Variants in PPP4R4 observed in about 807,000 individuals in gnomAD.
PPP4R4 encodes the protein serine/threonine-protein phosphatase 4 regulatory subunit 4.
Under a neutral mutation model 121.8 loss-of-function variants are expected in PPP4R4, and 70 were observed. The ratio of observed to expected loss-of-function variants is 0.57; its 90% CI spans 0.47 to 0.70. The LOEUF is 0.70. Among genes scored for constraint, PPP4R4 ranks in the 30% least tolerant of loss-of-function variants. PPP4R4 has a pLI of 0.00. For synonymous variants in PPP4R4, 348 were observed against 355.7 expected (o/e 0.98, Z 0.24); for missense variants, 875 against 1,033.6 (o/e 0.85, Z 2.10).
chr14:94,276,772 G>T lies in PPP4R4; in HGVS notation c.2597+1251G>T, dbSNP rs540061937. 2.0e-3 allele frequency among the ~76,000 whole-genome samples: 304 copies of T among 151,778 alleles called. 1 individual carries two copies. The highest frequency in any genetic ancestry group is 7.0e-3 in the African/African-American group (289 of 41,346). On this transcript the variant is annotated intron_variant, in intron 24 of 24. Transcript: ENST00000304338. ...TATTCCAAATTGTAATTGGTCGTTGGGTATATGCCCAACTTCATTCAAAAT... is the reference window on the plus strand; with the variant it reads ...TATTCCAAATTGTAATTGGTCGTTGTGTATATGCCCAACTTCATTCAAAAT...
intron 14 of PPP4R4, 51 bp from the exon 15 acceptor site, chr14:94,250,121 C>T (rs1413627935): frequency 3.2e-6 from 4 of 1,245,060 alleles, no homozygotes; most frequent in Admixed American, 3.4e-5. Context: ...GTCAAATTAT[C>T]TAGACTAGAA....
intron 3 of PPP4R4, chr14:94,227,150 C>T: frequency 1.5e-6 from 1 of 683,016 alleles, no homozygotes; most frequent in East Asian, 2.9e-5. Flanking sequence ...GTGCCATTAA[C>T]TCTTAATGTC....
chr14:94,256,704 T>C, intron 17 of PPP4R4, 100 bp downstream of exon 17: 3 of 1,172,972 alleles, frequency 2.6e-6, no homozygotes, highest in Non-Finnish European at 3.5e-6. Flanking sequence ...TATATTACAA[T>C]ATTTTTATCC....
intron 1 of PPP4R4, chr14:94,175,825 A>G (rs762886283): frequency 5.4e-5 from 30 of 553,950 alleles, no homozygotes; most frequent in Non-Finnish European, 7.8e-5. Flanking sequence ...AGCTAGAAGG[A>G]TAAAAACAGA....
At chr14:94,231,386 CA>C in intron 5 of PPP4R4, 71 bp downstream of exon 5, 2 of 1,311,960 alleles carry the variant, frequency 1.5e-6, no homozygotes, top group Admixed American at 2.2e-5. Flanking sequence ...GGTTTCTTGT[CA>C]AAAATGGTTT....
chr14:94,258,829 G>A lies in PPP4R4; in HGVS notation c.2052+5G>A, dbSNP rs748372908. The A allele has an allele frequency of 1.3e-6, 2 of 1,584,638 alleles. No homozygotes were observed. The highest frequency in any genetic ancestry group is 1.7e-5 in the Admixed American group (1 of 59,938). On this transcript the variant is annotated splice_donor_5th_base_variant and intron_variant, in intron 18 of 24. Transcript: ENST00000304338. ...ATGGAAATGTCTATGGATGCTGTAA[G>A]TATACTCTCTTTACCTTATTGTGTT...
At chr14:94,200,663 G>A (rs773937021) in intron 2 of PPP4R4, among the ~76,000 whole-genome samples, 1 of 152,020 alleles carries the variant, frequency 6.6e-6, no homozygotes, top group Non-Finnish European at 1.5e-5. Flanking sequence ...TTGTATTTCT[G>A]TGGTATTGGT....
chr14:94,223,068 T>A (rs939281326), intron 3 of PPP4R4, among the ~76,000 whole-genome samples: 1 of 152,216 alleles, frequency 6.6e-6, no homozygotes, highest in Middle Eastern at 3.2e-3. Context: ...TTTAGCTTTT[T>A]AAAATCTGCC....
At chr14:94,265,611 G>A (rs1894005962) in intron 21 of PPP4R4, 138 bp downstream of exon 21, 3 of 863,238 alleles carry the variant, frequency 3.5e-6, no homozygotes, top group South Asian at 3.5e-5. Flanking sequence ...TCTATCATTA[G>A]GTGTTTTGGT....
chr14:94,279,097 C>T lies in PPP4R4; in HGVS notation c.*454C>T, dbSNP rs1894798231. The T allele has an allele frequency of 6.6e-6, 1 of 152,350 alleles. No homozygotes were observed. Among genetic ancestry groups the T allele is most frequent in the African/African-American group, 2.4e-5 (1 of 41,434 alleles). The allele number at this position is 152,350 out of a possible 1,614,324, so 9.4% of individuals were successfully genotyped here. A position where few individuals can be genotyped will look rare whatever the true frequency, so the allele number is the denominator to read the frequency against. On this transcript the variant is annotated 3_prime_UTR_variant, in exon 25 of 25. Coordinates refer to ENST00000304338, the MANE Select transcript of PPP4R4 (RefSeq NM_058237.2). The stretch of plus-strand genomic sequence containing the variant: ...GACTTGGAAGGTGAGAAAGATACTG[C>T]ATTTTCTCATGAGTCTCCAAGCCCA...
At chr14:94,254,647 A>G (rs775963934) in intron 16 of PPP4R4, among the ~76,000 whole-genome samples, 1 of 152,208 alleles carries the variant, frequency 6.6e-6, no homozygotes, top group Non-Finnish European at 1.5e-5. Flanking sequence ...AGGTGTCTCA[A>G]GGTTGCAATA....
intron 24 of PPP4R4, among the ~76,000 whole-genome samples, chr14:94,277,335 G>GGTAATGGT (rs1356454003): frequency 6.6e-6 from 1 of 152,112 alleles, no homozygotes; most frequent in Non-Finnish European, 1.5e-5. Flanking sequence ...GGCAGGACAT[G>GGTAATGGT]GTAATGGTGT....
intron 2 of PPP4R4, among the ~76,000 whole-genome samples, chr14:94,182,598 C>T (rs905847026): frequency 3.9e-5 from 6 of 152,182 alleles, no homozygotes; most frequent in African/African-American, 1.4e-4. Flanking sequence ...TTGCATGGAG[C>T]AACAGATTGT....
At chr14:94,239,132 C>T (rs1892492321) in intron 8 of PPP4R4, among the ~76,000 whole-genome samples, 1 of 151,858 alleles carries the variant, frequency 6.6e-6, no homozygotes, top group Non-Finnish European at 1.5e-5. Flanking sequence ...AGTCTTCTCT[C>T]ATACTTTTTC....
intron 2 of PPP4R4, among the ~76,000 whole-genome samples, chr14:94,179,679 G>A (rs531172469): frequency 6.6e-6 from 1 of 152,248 alleles, no homozygotes; most frequent in African/African-American, 2.4e-5. Context: ...TTCTCTAACT[G>A]CTTAAACCAC....
chr14:94,189,800 A>C (rs1396931322), intron 2 of PPP4R4, among the ~76,000 whole-genome samples: 1 of 152,164 alleles, frequency 6.6e-6, no homozygotes, highest in Non-Finnish European at 1.5e-5. Context: ...GAAACCTGGG[A>C]GTAATTTTAT....
intron 2 of PPP4R4, among the ~76,000 whole-genome samples, chr14:94,191,913 C>T (rs1342843099): frequency 6.6e-6 from 1 of 152,088 alleles, no homozygotes; most frequent in Non-Finnish European, 1.5e-5. Context: ...TGGCTATAGG[C>T]TATGGACTGA....
chr14:94,197,629 T>C lies in PPP4R4; in HGVS notation c.192-10835T>C, dbSNP rs147987278. On this transcript the variant is annotated intron_variant, in intron 2 of 24. Transcript: ENST00000304338. ...GGAATTTGATGACTTTTCACATATG[T>C]GTATTCCCATGAAACCCTCACCATG... Among the ~76,000 whole-genome samples the C allele has an allele frequency of 7.4e-3, 1,129 of 152,302 alleles. 14 individuals are homozygous for C. The highest frequency in any genetic ancestry group is 0.026 in the African/African-American group (1,061 of 41,554).
rs1893963177 is a variant in PPP4R4, at chr14:94,264,961, CTA to C, written c.2197+16_2197+17del. 1 of 1,551,766 alleles carries C rather than the reference CTA, an allele frequency of 6.4e-7. No homozygotes were observed. Among genetic ancestry groups the C allele is most frequent in the Non-Finnish European group, 8.8e-7 (1 of 1,136,438 alleles). On this transcript the variant is annotated intron_variant, in intron 20 of 24. Transcript: ENST00000304338. ...TTGAAAAGAAACGTAAGTAGTTTTT[CTA>C]TGTCTTCAACACTTAATTACATAAT...
Sources: gnomAD v4.1 joint callset for allele counts (sites outside exome capture counted in the v4.1 genomes callset) on GRCh38, gnomAD v4.1.1 for gene constraint, MANE v1.5 for transcripts, NCBI Gene and HGNC (gene_info 2026-07-23, HGNC 2026-07-21) for gene names.